Variants in OSBPL10 observed in about 807,000 individuals in gnomAD.
The protein encoded by OSBPL10 is oxysterol-binding protein-related protein 10.
A neutral mutation model predicts 81.7 loss-of-function variants in OSBPL10; 49 were observed. The observed-to-expected ratio is 0.60, with a 90% CI of 0.48 to 0.76. OSBPL10 has a LOEUF of 0.76. Among genes scored for constraint, OSBPL10 ranks in the 30% least tolerant of loss-of-function variants. The pLI, the probability that OSBPL10 is intolerant of heterozygous loss-of-function variation, is 0.00. For missense variants in OSBPL10, 923 were observed against 987.8 expected (o/e 0.93, Z 0.88); for synonymous variants, 419 against 383.6 (o/e 1.09, Z -1.08).
intron 2 of OSBPL10, chr3:32,030,299 A>G (rs1699455701): frequency 2.3e-6 from 1 of 434,536 alleles, no homozygotes; most frequent in Non-Finnish European, 4.4e-6. Flanking sequence ...CGAATCTATA[A>G]GAAAGGTGAT....
At chr3:31,795,697 G>A in intron 4 of OSBPL10, 1 of 211,434 alleles carries the variant, frequency 4.7e-6, no homozygotes, top group Non-Finnish European at 1.1e-5. Context: ...CAGGAAATGA[G>A]GGAAATCTTT....
chr3:31,960,947 T>G (rs1263027048), intron 1 of OSBPL10, among the ~76,000 whole-genome samples: 2 of 152,018 alleles, frequency 1.3e-5, no homozygotes, highest in African/African-American at 4.8e-5. Context: ...CCAAACTGCT[T>G]GAACCTCAAA....
At position 31,729,765 on chromosome 3, in the gene OSBPL10, G is replaced by C. The variant is rs149111305; in HGVS notation, c.1095+3492C>G. 4.3e-3 allele frequency among the ~76,000 whole-genome samples: 648 copies of C among 152,248 alleles called. 2 individuals carry two copies. The highest frequency in any genetic ancestry group is 6.5e-3 in the Non-Finnish European group (441 of 68,018). On this transcript the variant is annotated intron_variant, in intron 6 of 11. Coordinates refer to ENST00000396556, the MANE Select transcript of OSBPL10 (RefSeq NM_017784.5). ...CAAGGTCACAACATTGTAGGTGGCC[G>C]TGATTCAGAGGTCAGGAAGCTGCTG...
intron 7 of OSBPL10, among the ~76,000 whole-genome samples, chr3:31,697,873 C>T (rs956070085): frequency 6.6e-6 from 1 of 152,066 alleles, no homozygotes; most frequent in Admixed American, 6.5e-5. Flanking sequence ...AGCGATTCTC[C>T]TGCCTCAGCC....
intron 1 of OSBPL10, among the ~76,000 whole-genome samples, chr3:31,883,299 G>A (rs542183852): frequency 6.6e-6 from 1 of 151,660 alleles, no homozygotes; most frequent in Non-Finnish European, 1.5e-5. Context: ...GAGTGCAATG[G>A]CACGATCTCA....
chr3:32,013,202 C>T (rs1434606510), intron 2 of OSBPL10, among the ~76,000 whole-genome samples: 8 of 152,184 alleles, frequency 5.3e-5, no homozygotes, highest in Admixed American at 3.9e-4. Context: ...AAGTAAAGCA[C>T]TCCTCAGCAA....
chr3:31,907,967 T>G (rs1008506914), intron 1 of OSBPL10, among the ~76,000 whole-genome samples: 2 of 152,082 alleles, frequency 1.3e-5, no homozygotes, highest in Admixed American at 1.3e-4. Context: ...GGGAAAAGGC[T>G]GCGGTGGAGG....
At chr3:31,750,659 C>G (rs1697683824) in intron 4 of OSBPL10, among the ~76,000 whole-genome samples, 1 of 151,988 alleles carries the variant, frequency 6.6e-6, no homozygotes, top group Non-Finnish European at 1.5e-5. Context: ...TCTGTAAATT[C>G]CTACCATAAA....
At chr3:31,842,955 A>C (rs1375731446) in intron 3 of OSBPL10, among the ~76,000 whole-genome samples, 1 of 152,234 alleles carries the variant, frequency 6.6e-6, no homozygotes, top group Non-Finnish European at 1.5e-5. Flanking sequence ...GTTTAGATAC[A>C]GGAGGTGGCT....
At chr3:31,797,186 G>GT (rs1241503621) in intron 4 of OSBPL10, among the ~76,000 whole-genome samples, 1 of 151,790 alleles carries the variant, frequency 6.6e-6, no homozygotes, top group East Asian at 1.9e-4. Flanking sequence ...GTAGAGACGG[G>GT]TTTTACCATG....
intron 2 of OSBPL10, among the ~76,000 whole-genome samples, chr3:32,010,140 A>ATTT (rs11303839): frequency 2.9e-4 from 43 of 146,992 alleles, no homozygotes; most frequent in South Asian, 6.5e-4. Context: ...GAGGCTGCCC[A>ATTT]TTTTTTTTTT....
chr3:31,979,139 C>G (rs1360149213), intron 1 of OSBPL10, among the ~76,000 whole-genome samples: 1 of 152,148 alleles, frequency 6.6e-6, no homozygotes, highest in African/African-American at 2.4e-5. Flanking sequence ...ACATAATTAC[C>G]AAGAACTGAA....
At position 31,816,816 on chromosome 3, in the gene OSBPL10, G is replaced by A. The variant is rs116203787; in HGVS notation, c.729+13224C>T. Among the ~76,000 whole-genome samples the A allele has an allele frequency of 7.8e-3, 1,192 of 152,246 alleles. 20 individuals carry two copies. The highest frequency in any genetic ancestry group is 0.028 in the African/African-American group (1,149 of 41,534). On this transcript the variant is annotated intron_variant, in intron 4 of 11. Transcript: ENST00000396556. ...TCTGTAGGCAGGCCGTCTGTCAAGA[G>A]TTCAGTTCTCTGCAGAGAGAAGGCC...
intron 4 of OSBPL10, among the ~76,000 whole-genome samples, chr3:31,827,575 G>A (rs1438544544): frequency 6.6e-6 from 1 of 151,894 alleles, no homozygotes; most frequent in Non-Finnish European, 1.5e-5. Context: ...GGCAGAGCTT[G>A]CACTGAGCTG....
intron 1 of OSBPL10, among the ~76,000 whole-genome samples, chr3:31,884,726 G>A (rs1218931697): frequency 6.6e-6 from 1 of 152,150 alleles, no homozygotes; most frequent in Non-Finnish European, 1.5e-5. Context: ...ATAAAATCCT[G>A]AAACATTCTT....
intron 6 of OSBPL10, chr3:31,708,579 T>C: frequency 2.7e-6 from 1 of 373,068 alleles, no homozygotes; most frequent in African/African-American, 2.2e-5. Context: ...CCATTTCCAA[T>C]AAGCAACTCA....
rs184410238 is a variant in OSBPL10, at chr3:31,722,140, A to G, written c.1095+11117T>C. On this transcript the variant is annotated intron_variant, in intron 6 of 11. Coordinates refer to ENST00000396556, the MANE Select transcript of OSBPL10 (RefSeq NM_017784.5). ...GCCACCCCCTCAAAATACCCTTGAG[A>G]CTTAGAAATTTTTTTTAACTCATCT... 2.9e-3 allele frequency among the ~76,000 whole-genome samples: 443 copies of G among 152,296 alleles called. 3 individuals carry two copies. The highest frequency in any genetic ancestry group is 0.01 in the African/African-American group (424 of 41,564).
At chr3:31,974,685 T>G (rs1422113692) in intron 1 of OSBPL10, among the ~76,000 whole-genome samples, 1 of 151,836 alleles carries the variant, frequency 6.6e-6, no homozygotes, top group Non-Finnish European at 1.5e-5. Context: ...ACCAAACAAC[T>G]CAGTGGTGTT....
Position 31,813,886 on chromosome 3 carries a change from A to C in OSBPL10, c.729+16154T>G, listed in dbSNP as rs183731624. Among the ~76,000 whole-genome samples the C allele has an allele frequency of 2.4e-3, 361 of 152,326 alleles. 1 individual carries two copies. Among genetic ancestry groups the C allele is most frequent in the African/African-American group, 8.4e-3 (349 of 41,560 alleles). ...GCATTCCATAAGTATGAGCTTTCTT[A>C]GGCACGCATGTACATGCTGAGCTCT... On this transcript the variant is annotated intron_variant, in intron 4 of 11. Coordinates refer to ENST00000396556, the MANE Select transcript of OSBPL10 (RefSeq NM_017784.5).
Sources: gnomAD v4.1 joint callset for allele counts (sites outside exome capture counted in the v4.1 genomes callset) on GRCh38, gnomAD v4.1.1 for gene constraint, MANE v1.5 for transcripts, NCBI Gene and HGNC (gene_info 2026-07-23, HGNC 2026-07-21) for gene names.